LARGE1: variants seen among roughly 807,000 people sequenced by gnomAD.
The protein encoded by LARGE1 is xylosyl- and glucuronyltransferase LARGE1.
Under a neutral mutation model 87.6 loss-of-function variants are expected in LARGE1, and 43 were observed. The observed-to-expected ratio is 0.49, with a 90% CI of 0.38 to 0.63. The LOEUF (loss-of-function observed/expected upper bound fraction) is 0.63. LARGE1 is among the 30% of genes least tolerant of loss of function. The probability of loss-of-function intolerance (pLI) is 0.00; values close to 1 mark genes in which losing one functional copy is unlikely to be tolerated. For synonymous variants in LARGE1, 434 were observed against 394.6 expected, an observed-to-expected ratio of 1.10 and a Z score of -1.18; for missense variants, 802 against 1,000.2, an observed-to-expected ratio of 0.80 and a Z score of 2.67.
At chr22:33,539,684 A>G (rs1378378837) in intron 6 of LARGE1, among the ~76,000 whole-genome samples, 9 of 150,280 alleles carry the variant, frequency 6.0e-5, no homozygotes, top group African/African-American at 2.2e-4. Context: ...CAAATTTTCC[A>G]GGTTCAGGTG....
intron 5 of LARGE1, among the ~76,000 whole-genome samples, chr22:33,571,303 C>T (rs2413194): frequency 0.92 from 140,265 of 152,232 alleles, 64,739 homozygotes; most frequent in East Asian, 1. Flanking sequence ...AATTACCAGG[C>T]AGACCCAAAG....
intron 6 of LARGE1, among the ~76,000 whole-genome samples, chr22:33,494,650 G>T (rs751854304): frequency 6.6e-6 from 1 of 152,142 alleles, no homozygotes; most frequent in Non-Finnish European, 1.5e-5. Context: ...CTAACAGGTA[G>T]GCAGCTTAAC....
chr22:33,346,231 T>C (rs553025771), intron 9 of LARGE1, among the ~76,000 whole-genome samples: 7 of 151,332 alleles, frequency 4.6e-5, no homozygotes, highest in South Asian at 4.2e-4. Flanking sequence ...TCTCTTCCTT[T>C]CTTCCTTCCT....
chr22:33,663,864 T>C (rs1197633497), intron 2 of LARGE1, among the ~76,000 whole-genome samples: 3 of 152,168 alleles, frequency 2.0e-5, no homozygotes, highest in East Asian at 1.9e-4. Flanking sequence ...ATTAAAAATG[T>C]TGTATTATTT....
At chr22:33,326,904 A>C (rs566038668) in intron 10 of LARGE1, among the ~76,000 whole-genome samples, 38 of 152,300 alleles carry the variant, frequency 2.5e-4, no homozygotes, top group Middle Eastern at 3.4e-3. Context: ...TTGATCCCAC[A>C]GCTCCTCTTC....
intron 6 of LARGE1, among the ~76,000 whole-genome samples, chr22:33,533,914 C>T (rs2076967451): frequency 2.0e-5 from 3 of 150,920 alleles, no homozygotes; most frequent in Admixed American, 1.3e-4. Flanking sequence ...ACGTTTTCCG[C>T]TCTTCTCTGC....
At chr22:33,666,976 C>T (rs2081285943) in intron 2 of LARGE1, among the ~76,000 whole-genome samples, 1 of 152,202 alleles carries the variant, frequency 6.6e-6, no homozygotes, top group Admixed American at 6.5e-5. Flanking sequence ...GCCAGATATT[C>T]AGCAGAAATA....
intron 6 of LARGE1, among the ~76,000 whole-genome samples, chr22:33,461,725 A>G (rs1276126997): frequency 6.6e-6 from 1 of 151,886 alleles, no homozygotes; most frequent in East Asian, 1.9e-4. Flanking sequence ...TATGCCTGGC[A>G]CGCACACACA....
At chr22:33,579,706 C>A (rs747893310) in intron 5 of LARGE1, among the ~76,000 whole-genome samples, 1 of 152,090 alleles carries the variant, frequency 6.6e-6, no homozygotes, top group Non-Finnish European at 1.5e-5. Flanking sequence ...GGAACACAAG[C>A]CATGCTAAAG....
At chr22:33,359,881 G>A (rs866877343) in intron 9 of LARGE1, among the ~76,000 whole-genome samples, 3 of 149,474 alleles carry the variant, frequency 2.0e-5, no homozygotes, top group Non-Finnish European at 4.5e-5. Context: ...TCATCTTAAC[G>A]TGTGTTCTGA....
chr22:33,712,394 G>A (rs748724448), intron 2 of LARGE1, among the ~76,000 whole-genome samples: 10 of 152,010 alleles, frequency 6.6e-5, no homozygotes, highest in Non-Finnish European at 1.5e-4. Context: ...TCACAGGCTC[G>A]AAGGCTTCTA....
At chr22:33,191,015 T>A (rs1923748419) in intron 11 of LARGE1, among the ~76,000 whole-genome samples, 1 of 152,232 alleles carries the variant, frequency 6.6e-6, no homozygotes, top group Admixed American at 6.5e-5. Flanking sequence ...TTTTTCTTTT[T>A]AAACACCTGT....
intron 9 of LARGE1, among the ~76,000 whole-genome samples, chr22:33,350,439 A>G (rs947181397): frequency 6.6e-6 from 1 of 152,162 alleles, no homozygotes; most frequent in African/African-American, 2.4e-5. Flanking sequence ...TTCACATTTT[A>G]GCCTCCCCAC....
chr22:33,755,825 C>T (rs576594162), intron 2 of LARGE1, among the ~76,000 whole-genome samples: 36 of 152,262 alleles, frequency 2.4e-4, no homozygotes, highest in Admixed American at 5.9e-4. Context: ...GGGAGTGTAA[C>T]GACGAATAAA....
intron 1 of LARGE1, among the ~76,000 whole-genome samples, chr22:33,864,402 C>T (rs1162068150): frequency 2.0e-5 from 3 of 152,160 alleles, no homozygotes; most frequent in African/African-American, 7.2e-5. Flanking sequence ...ATGATAAAGA[C>T]AAGAAGGGAA....
intron 1 of LARGE1, among the ~76,000 whole-genome samples, chr22:33,800,937 G>A (rs1285814910): frequency 1.3e-5 from 2 of 152,130 alleles, no homozygotes; most frequent in African/African-American, 4.8e-5. Flanking sequence ...TGGTTTGGCT[G>A]TGTCCCCACC....
chr22:33,401,724 A>G (rs2065931727), intron 7 of LARGE1, among the ~76,000 whole-genome samples: 1 of 152,234 alleles, frequency 6.6e-6, no homozygotes, highest in African/African-American at 2.4e-5. Context: ...GCATCTATAT[A>G]GAAGCCAAGG....
chr22:33,273,571 C>T lies in LARGE1; in HGVS notation c.*856G>A, dbSNP rs77663505. ...CAGCCAGCCCTCGTAATTCCGCAGT[C>T]CCCATCGCTATAGCCCCTGGATTCT... On this transcript the variant is annotated 3_prime_UTR_variant, in exon 15 of 15. Transcript: ENST00000397394. 0.015 allele frequency: 5,962 copies of T among 398,772 alleles called. 307 individuals are homozygous for T. The highest frequency in any genetic ancestry group is 0.11 in the African/African-American group (5,470 of 48,720). 24.7% of individuals were successfully genotyped at this position (398,772 alleles called of 1,614,324 possible).
chr22:33,573,534 C>T (rs1393832288), intron 5 of LARGE1, among the ~76,000 whole-genome samples: 3 of 152,172 alleles, frequency 2.0e-5, no homozygotes. Context: ...TTTAATGAGA[C>T]ATTTATGGAA....
Sources: gnomAD v4.1 joint callset for allele counts (sites outside exome capture counted in the v4.1 genomes callset) on GRCh38, gnomAD v4.1.1 for gene constraint, MANE v1.5 for transcripts, NCBI Gene and HGNC (gene_info 2026-07-23, HGNC 2026-07-21) for gene names.